CPLANE1: variants seen among roughly 807,000 people sequenced by gnomAD.
The protein encoded by CPLANE1 is ciliogenesis and planar polarity effector 1.
Under a neutral mutation model 362.5 loss-of-function variants are expected in CPLANE1, and 263 were observed. The observed-to-expected ratio is 0.73, with a 90% CI of 0.66 to 0.80. The LOEUF (loss-of-function observed/expected upper bound fraction) is 0.80, where lower values mean the gene tolerates loss of function less well. CPLANE1 is among the 30% of genes least tolerant of loss of function. The pLI, the probability that CPLANE1 is intolerant of heterozygous loss-of-function variation, is 0.00. For missense variants in CPLANE1, 3,461 were observed against 3,793.4 expected, an observed-to-expected ratio of 0.91 and a Z score of 2.30; for synonymous variants, 1,212 against 1,302.6, an observed-to-expected ratio of 0.93 and a Z score of 1.50.
At chr5:37,107,817 AAAAC>A (rs751535501) in intron 52 of CPLANE1, 39 bp from the exon 53 acceptor site, 93 of 1,496,334 alleles carry the variant, frequency 6.2e-5, no homozygotes, top group Non-Finnish European at 7.9e-5. Flanking sequence ...CTAGCCCCTA[AAAAC>A]AAACAAAAAA....
At chr5:37,161,716 G>T (rs929886783) in intron 38 of CPLANE1, among the ~76,000 whole-genome samples, 1 of 152,126 alleles carries the variant, frequency 6.6e-6, no homozygotes, top group African/African-American at 2.4e-5. Context: ...GCTATATACT[G>T]TATTTAACAA....
chr5:37,246,143 C>A, intron 2 of CPLANE1: 3 of 136,756 alleles, frequency 2.2e-5, no homozygotes, highest in Non-Finnish European at 4.1e-5. Flanking sequence ...GGCTTATCTA[C>A]TTTTTAATCT....
chr5:37,152,607 A>G (rs1773882598), intron 42 of CPLANE1, among the ~76,000 whole-genome samples: 1 of 152,190 alleles, frequency 6.6e-6, no homozygotes, highest in African/African-American at 2.4e-5. Context: ...ATAGAAAACT[A>G]GGCTGGTGTG....
At chr5:37,241,119 G>A (rs988304621) in intron 6 of CPLANE1, among the ~76,000 whole-genome samples, 1 of 151,802 alleles carries the variant, frequency 6.6e-6, no homozygotes, top group African/African-American at 2.4e-5. Flanking sequence ...CTGGGCAACA[G>A]AGTGAGACTC....
At chr5:37,183,896 G>A (rs1241991750) in intron 25 of CPLANE1, among the ~76,000 whole-genome samples, 197 bp from the exon 26 acceptor site, 1 of 151,874 alleles carries the variant, frequency 6.6e-6, no homozygotes, top group South Asian at 2.1e-4. Flanking sequence ...TCTACTATGA[G>A]ATCAAAAAAA....
chr5:37,197,446 C>T (rs537051694), intron 20 of CPLANE1, among the ~76,000 whole-genome samples: 8 of 152,208 alleles, frequency 5.3e-5, no homozygotes, highest in Admixed American at 5.2e-4. Flanking sequence ...GTTCTACAGC[C>T]ACATGCAACT....
chr5:37,171,352 G>A (rs1057017230), intron 32 of CPLANE1, among the ~76,000 whole-genome samples: 11 of 152,208 alleles, frequency 7.2e-5, no homozygotes, highest in Admixed American at 6.5e-4. Flanking sequence ...TGGAGGACTT[G>A]AACGACTGCT....
downstream of CPLANE1, among the ~76,000 whole-genome samples, chr5:37,103,446 G>A (rs745837484): frequency 6.6e-6 from 1 of 152,132 alleles, no homozygotes; most frequent in Admixed American, 6.5e-5. Context: ...TGTTTTATGT[G>A]GTTGCTTCAT....
chr5:37,142,247 A>G (rs1487703945), intron 44 of CPLANE1, 63 bp downstream of exon 44: 1 of 1,378,826 alleles, frequency 7.3e-7, no homozygotes, highest in African/African-American at 1.5e-5. Flanking sequence ...CCAGTAAATC[A>G]TGTTCAGTAA....
intron 25 of CPLANE1, 46 bp from the exon 26 acceptor site, chr5:37,183,745 C>T (rs1783261674): frequency 1.6e-6 from 2 of 1,285,638 alleles, no homozygotes; most frequent in Non-Finnish European, 2.1e-6. Context: ...ATCATTTAAT[C>T]ACTAAAACTG....
chr5:37,156,858 C>A (rs1194645320), intron 41 of CPLANE1, among the ~76,000 whole-genome samples: 1 of 152,038 alleles, frequency 6.6e-6, no homozygotes, highest in Admixed American at 6.6e-5. Context: ...CTGGGTGATG[C>A]GTCCAATCAT....
At chr5:37,176,170 G>A (rs147088648) in intron 30 of CPLANE1, 184 bp from the exon 31 acceptor site, 63 of 457,948 alleles carry the variant, frequency 1.4e-4, no homozygotes, top group African/African-American at 1.1e-3. Context: ...CTAAGCAAAA[G>A]CAAAAAAATA....
At chr5:37,141,842 A>G (rs773885631) in intron 44 of CPLANE1, 32 of 919,296 alleles carry the variant, frequency 3.5e-5, no homozygotes, top group Non-Finnish European at 3.9e-5. Context: ...CTAAATCTCA[A>G]TCTCCTCAAC....
chr5:37,149,208 G>C lies in CPLANE1; in HGVS notation c.8374-940C>G, dbSNP rs1021806421. Among the ~76,000 whole-genome samples, 3 of 152,144 alleles carry C rather than the reference G, an allele frequency of 2.0e-5. No individual in the cohort carries two copies. The East Asian group carries it at 5.8e-4, about 29-fold the overall frequency. On this transcript the variant is annotated intron_variant, in intron 42 of 52. Coordinates refer to ENST00000651892, the MANE Select transcript of CPLANE1 (RefSeq NM_001384732.1). ...GCCCAGTGGATGCCTGAAACGGTGG[G>C]GGTAGTACCGAACCTTATATATAGT... is the stretch of plus-strand genomic sequence containing the variant.
chr5:37,193,492 T>C (rs1786258734), intron 21 of CPLANE1, among the ~76,000 whole-genome samples: 1 of 151,814 alleles, frequency 6.6e-6, no homozygotes, highest in South Asian at 2.1e-4. Context: ...CCATATCTAC[T>C]AAAAATACAA....
chr5:37,143,941 A>G (rs1770598876), intron 43 of CPLANE1, among the ~76,000 whole-genome samples: 1 of 151,734 alleles, frequency 6.6e-6, no homozygotes, highest in Non-Finnish European at 1.5e-5. Flanking sequence ...GTCTCGAAAA[A>G]AAAAAAAAAA....
intron 16 of CPLANE1, 59 bp from the exon 17 acceptor site, chr5:37,206,484 A>G (rs1790774954): frequency 3.7e-6 from 4 of 1,070,722 alleles, no homozygotes; most frequent in Admixed American, 2.0e-5. Flanking sequence ...ATGCTTCTTT[A>G]CATGGGCATA....
At chr5:37,163,382 A>C (rs1427125431) in intron 37 of CPLANE1, among the ~76,000 whole-genome samples, 1 of 152,180 alleles carries the variant, frequency 6.6e-6, no homozygotes, top group Non-Finnish European at 1.5e-5. Context: ...AGGAAAAAAC[A>C]GTTGGGGCAG....
At chr5:37,113,280 G>A (rs530201335) in intron 51 of CPLANE1, among the ~76,000 whole-genome samples, 2 of 152,154 alleles carry the variant, frequency 1.3e-5, no homozygotes, top group Non-Finnish European at 2.9e-5. Context: ...TCTTGTGATA[G>A]TGAGTTCTCA....
Sources: allele counts gnomAD v4.1 joint callset (sites outside exome capture counted in the v4.1 genomes callset), GRCh38; gene constraint gnomAD v4.1.1; transcripts MANE v1.5; gene names NCBI Gene and HGNC (gene_info 2026-07-23, HGNC 2026-07-21).